The following MYO18B variants were observed in gnomAD, a reference collection of about 807,000 sequenced individuals.
MYO18B encodes unconventional myosin-XVIIIb.
A neutral mutation model predicts 273.0 loss-of-function variants in MYO18B; 204 were observed. That is an observed-to-expected ratio of 0.75 (90% confidence interval 0.67 to 0.84). The LOEUF (loss-of-function observed/expected upper bound fraction) is 0.84. Ranked by LOEUF, MYO18B falls within the 40% of genes least tolerant of loss-of-function variation. MYO18B has a pLI of 0.00. For missense variants in MYO18B, 3,212 were observed against 3,287.6 expected (o/e 0.98, Z 0.56); for synonymous variants, 1,330 against 1,305.7 (o/e 1.02, Z -0.40).
intron 40 of MYO18B, among the ~76,000 whole-genome samples, chr22:26,001,972 A>G (rs1933997105): frequency 6.6e-6 from 1 of 152,202 alleles, no homozygotes; most frequent in Non-Finnish European, 1.5e-5. Context: ...TAGGTGAGGA[A>G]GTACTCAAAA....
chr22:25,946,110 C>G (rs1328402359), intron 34 of MYO18B, 27 bp from the exon 35 acceptor site: 3 of 1,210,494 alleles, frequency 2.5e-6, no homozygotes, highest in Non-Finnish European at 3.3e-6. Flanking sequence ...TTCTTTTCTT[C>G]TCTTCTCCAC....
In MYO18B at chr22:25,845,471, T is replaced by C. The variant is rs370225167; in HGVS notation, c.3369-629T>C. ...GGCGGAGGTTGCAGTAAGCCGAGAT[T>C]GCACCGCTGCACTCCAGCCTGGCGA... On this transcript the variant is annotated intron_variant, in intron 18 of 43. Coordinates refer to ENST00000335473, the MANE Select transcript of MYO18B (RefSeq NM_032608.7). Among the ~76,000 whole-genome samples the C allele has an allele frequency of 7.2e-5, 11 of 152,052 alleles. No individual in the cohort carries two copies. In the East Asian group the frequency reaches 1.5e-3, roughly 21 times the overall value.
intron 34 of MYO18B, among the ~76,000 whole-genome samples, chr22:25,940,861 G>A (rs1833078614): frequency 6.6e-6 from 1 of 152,178 alleles, no homozygotes; most frequent in African/African-American, 2.4e-5. Context: ...GTATGGGGAG[G>A]ACTTGGAATG....
intron 12 of MYO18B, among the ~76,000 whole-genome samples, chr22:25,813,583 G>A (rs1321560862): frequency 6.6e-6 from 1 of 152,166 alleles, no homozygotes; most frequent in African/African-American, 2.4e-5. Context: ...ATAAATTAAG[G>A]AGCGTGCTCT....
chr22:25,799,970 T>G (rs1601731659), intron 12 of MYO18B, among the ~76,000 whole-genome samples: 1 of 151,940 alleles, frequency 6.6e-6, no homozygotes, highest in Non-Finnish European at 1.5e-5. Flanking sequence ...ATGTGAGATA[T>G]ATATATATAC....
At position 25,777,609 on chromosome 22, in the gene MYO18B, GC is replaced by G; in HGVS notation, c.1898del (p.Pro633LeufsTer16). Reference protein sequence around the residue: ...KVPKGRRDGLPAHIGSMAQRA... With the variant: ...KVPKGRRDGLXAHIGSMAQRA... ...TGCCCAAGGGCCGCCGGGATGGCCT[GC>G]CTGCCCACATTGGCTCCATGGCACA... is the stretch of plus-strand genomic sequence containing the variant. On this transcript the variant is annotated frameshift_variant, in exon 8 of 44. Coordinates refer to ENST00000335473, the MANE Select transcript of MYO18B (RefSeq NM_032608.7). LOFTEE classifies it high-confidence loss of function. 6.2e-7 allele frequency: 1 copy of G among 1,601,564 alleles called. No homozygotes were observed. The highest frequency in any genetic ancestry group is 2.2e-5 in the East Asian group (1 of 44,628).
chr22:25,895,316 TAG>T, intron 28 of MYO18B, 36 bp downstream of exon 28: 5 of 1,567,778 alleles, frequency 3.2e-6, no homozygotes, highest in Non-Finnish European at 3.5e-6. Flanking sequence ...ACAGAAGTGT[TAG>T]AGAGTGGGCA....
intron 41 of MYO18B, among the ~76,000 whole-genome samples, chr22:26,003,924 C>A (rs1380648604): frequency 6.6e-6 from 1 of 151,762 alleles, no homozygotes; most frequent in African/African-American, 2.4e-5. Flanking sequence ...AGAGCAGGTT[C>A]TAGTAAAACC....
chr22:25,980,984 G>A (rs1245653675), intron 39 of MYO18B, among the ~76,000 whole-genome samples: 1 of 152,080 alleles, frequency 6.6e-6, no homozygotes, highest in African/African-American at 2.4e-5. Flanking sequence ...TGATGTTCTT[G>A]GCTTCTAGAT....
the MYO18B span, among the ~76,000 whole-genome samples, chr22:26,058,627 C>G: frequency 3.3e-5 from 5 of 152,136 alleles, no homozygotes; most frequent in African/African-American, 1.2e-4. Context: ...TTGCGCTGTC[C>G]TCATGGTAAT....
At chr22:25,984,188 A>G (rs951403015) in intron 39 of MYO18B, among the ~76,000 whole-genome samples, 4 of 152,166 alleles carry the variant, frequency 2.6e-5, no homozygotes, top group African/African-American at 9.7e-5. Flanking sequence ...CAGTACTGTC[A>G]TTTTACCAGA....
intron 12 of MYO18B, among the ~76,000 whole-genome samples, chr22:25,804,285 C>G (rs1699382932): frequency 6.6e-6 from 1 of 152,200 alleles, no homozygotes; most frequent in Non-Finnish European, 1.5e-5. Flanking sequence ...CATGCCTGCC[C>G]AGGTTGCTCA....
intron 3 of MYO18B, among the ~76,000 whole-genome samples, chr22:25,764,938 C>G (rs557979822): frequency 2.0e-5 from 3 of 150,566 alleles, no homozygotes; most frequent in East Asian, 3.9e-4. Context: ...AGAGGCAGAG[C>G]GAGGGGGAGA....
chr22:25,959,108 G>A (rs144081331), intron 39 of MYO18B: 5 of 152,248 alleles, frequency 3.3e-5, no homozygotes, highest in South Asian at 4.1e-4. Flanking sequence ...AGTTTCCTCC[G>A]TAATGAGAGC....
At chr22:25,829,156 C>G (rs1246074206) in intron 15 of MYO18B, among the ~76,000 whole-genome samples, 188 bp downstream of exon 15, 1 of 152,198 alleles carries the variant, frequency 6.6e-6, no homozygotes, top group Non-Finnish European at 1.5e-5. Context: ...CCCAGCCTCC[C>G]CCTGCCACCT....
intron 42 of MYO18B, among the ~76,000 whole-genome samples, chr22:26,006,122 G>T (rs1248090893): frequency 6.6e-6 from 1 of 152,186 alleles, no homozygotes; most frequent in Non-Finnish European, 1.5e-5. Context: ...GAGGCAGCCA[G>T]AGAAGAATGT....
intron 34 of MYO18B, among the ~76,000 whole-genome samples, chr22:25,933,929 C>T (rs577345488): frequency 6.6e-6 from 1 of 152,262 alleles, no homozygotes; most frequent in South Asian, 2.1e-4. Flanking sequence ...TCCAAGGTAC[C>T]TGTAGACATT....
At chr22:26,004,353 A>G (rs8139384) in intron 41 of MYO18B, among the ~76,000 whole-genome samples, 20,646 of 152,216 alleles carry the variant, frequency 0.14, 1,545 homozygotes, top group African/African-American at 0.19. Flanking sequence ...ATCAAATTCA[A>G]TGCCAAACTT....
In MYO18B at chr22:25,769,049, T is replaced by C. The variant is rs1254880827; in HGVS notation, c.1133T>C (p.Leu378Pro). ...DLRMGEKAGE[L>P]RSTTGKAGES... ...AGAATGGGGGAGAAAGCAGGTGAGCTTCGGAGCACGACTGGGAAGGCAGGT... is the reference window on the plus strand; with the variant it reads ...AGAATGGGGGAGAAAGCAGGTGAGCCTCGGAGCACGACTGGGAAGGCAGGT... Residue 378 changes from leucine (L) to proline (P), a missense_variant, in exon 4 of 44, where the codon CTT (leucine) becomes CCT (proline). Coordinates refer to ENST00000335473, the MANE Select transcript of MYO18B (RefSeq NM_032608.7). 6.2e-7 allele frequency: 1 copy of C among 1,611,800 alleles called. No individual in the cohort carries two copies. Among genetic ancestry groups the C allele is most frequent in the East Asian group, 2.2e-5 (1 of 44,834 alleles).
Sources: allele counts gnomAD v4.1 joint callset (sites outside exome capture counted in the v4.1 genomes callset), GRCh38; gene constraint gnomAD v4.1.1; transcripts MANE v1.5; gene names NCBI Gene and HGNC (gene_info 2026-07-23, HGNC 2026-07-21).